The following HEATR4 variants were observed in gnomAD, a reference collection of about 807,000 sequenced individuals.
The protein encoded by HEATR4 is HEAT repeat-containing protein 4.
A neutral mutation model predicts 108.8 loss-of-function variants in HEATR4; 95 were observed. The observed-to-expected ratio is 0.87, with a 90% CI of 0.74 to 1.04. The LOEUF is 1.04. Among genes scored for constraint, HEATR4 ranks in the 50% least tolerant of loss-of-function variants. The probability of loss-of-function intolerance (pLI) is 0.00; values close to 1 mark genes in which losing one functional copy is unlikely to be tolerated. For synonymous variants in HEATR4, 443 were observed against 459.4 expected, an observed-to-expected ratio of 0.96 and a Z score of 0.46; for missense variants, 1,152 against 1,253.8, an observed-to-expected ratio of 0.92 and a Z score of 1.23.
At chr14:73,506,321 T>TTC in intron 10 of HEATR4, 146 bp downstream of exon 10, 1 of 617,134 alleles carries the variant, frequency 1.6e-6, no homozygotes, top group Admixed American at 2.7e-5. Context: ...TTGAAGATAA[T>TTC]TCTGGGCTAG....
intron 10 of HEATR4, among the ~76,000 whole-genome samples, chr14:73,505,745 C>T (rs1886768355): frequency 6.6e-6 from 1 of 151,894 alleles, no homozygotes; most frequent in Non-Finnish European, 1.5e-5. Flanking sequence ...AGCACAGACA[C>T]TCATTTAGAT....
At chr14:73,520,692 C>T (rs1887919158) in intron 4 of HEATR4, 160 bp downstream of exon 4, 1 of 649,604 alleles carries the variant, frequency 1.5e-6, no homozygotes, top group African/African-American at 1.8e-5. Flanking sequence ...CTCCCCGACC[C>T]AACTCCTGTG....
At chr14:73,491,287 C>G in intron 17 of HEATR4, 1 of 1,550,620 alleles carries the variant, frequency 6.4e-7, no homozygotes, top group Non-Finnish European at 8.7e-7. Flanking sequence ...CCGTCCCGGA[C>G]GCAGCCCGGC....
the HEATR4 span, among the ~76,000 whole-genome samples, chr14:73,598,731 T>TG: frequency 6.6e-6 from 1 of 151,108 alleles, no homozygotes; most frequent in African/African-American, 2.4e-5. Flanking sequence ...GGCCAGGCAT[T>TG]GTGGCTTACA....
At position 73,492,368 on chromosome 14, in the gene HEATR4, C is replaced by A; in HGVS notation, c.2844+698G>T. On this transcript the variant is annotated intron_variant, in intron 17 of 17. Coordinates refer to ENST00000553558, the MANE Select transcript of HEATR4 (RefSeq NM_001220484.1). The surrounding 1 kb of genome is among the most constrained non-coding windows in gnomAD (Gnocchi z 4.9). ...TGCAATGGAAGAAAATGTGGAGTTT[C>A]GGAGGGGTCTGCCCCGAGACTTCAT... The A allele has an allele frequency of 6.2e-7, 1 of 1,613,808 alleles. No individual in the cohort carries two copies. The highest frequency in any genetic ancestry group is 8.5e-7 in the Non-Finnish European group (1 of 1,179,774).
the HEATR4 span, among the ~76,000 whole-genome samples, chr14:73,617,396 C>T: frequency 6.6e-6 from 1 of 152,190 alleles, no homozygotes; most frequent in Admixed American, 6.5e-5. Context: ...CGGGGGATTG[C>T]TTGACCCCAG....
chr14:73,517,842 A>G (rs573546119), intron 5 of HEATR4, among the ~76,000 whole-genome samples: 2 of 152,224 alleles, frequency 1.3e-5, no homozygotes, highest in East Asian at 3.9e-4. Flanking sequence ...TAATCCCAGC[A>G]CTTTGGGAGG....
At chr14:73,537,020 G>T in intron 1 of HEATR4, 1 of 127,852 alleles carries the variant, frequency 7.8e-6, no homozygotes, top group Non-Finnish European at 1.5e-5. Context: ...CTTTCGCTCT[G>T]TCGCCCAGGC....
chr14:73,561,529 A>T (rs1595165632), upstream of HEATR4, among the ~76,000 whole-genome samples: 1 of 151,872 alleles, frequency 6.6e-6, no homozygotes, highest in East Asian at 1.9e-4. Context: ...TCTACTAAAA[A>T]TACAAAAATT....
chr14:73,498,701 G>A (rs1052403038), intron 13 of HEATR4, among the ~76,000 whole-genome samples: 2 of 152,200 alleles, frequency 1.3e-5, no homozygotes, highest in Non-Finnish European at 2.9e-5. Flanking sequence ...AGATTAAGGG[G>A]CAGGGTTTTA....
intron 17 of HEATR4, chr14:73,481,022 A>AAAAAG (rs1555387002): frequency 5.3e-5 from 8 of 152,060 alleles, no homozygotes; most frequent in East Asian, 1.9e-4. Flanking sequence ...TCTCAAAAAA[A>AAAAAG]AAAGAAAGAA....
chr14:73,583,360 AAAAAG>A, the HEATR4 span, among the ~76,000 whole-genome samples: 1 of 151,766 alleles, frequency 6.6e-6, no homozygotes, highest in Non-Finnish European at 1.5e-5. Context: ...AAAAAAAAAA[AAAAAG>A]AATGCAGTTT....
the HEATR4 span, among the ~76,000 whole-genome samples, chr14:73,570,145 G>A: frequency 6.7e-6 from 1 of 150,226 alleles, no homozygotes; most frequent in Non-Finnish European, 1.5e-5. Context: ...CTTTTCACAC[G>A]AAGAAGGGAT....
At chr14:73,567,631 G>A in the HEATR4 span, 2 of 152,078 alleles carry the variant, frequency 1.3e-5, no homozygotes, top group Non-Finnish European at 2.9e-5. Context: ...ACCTGCGTGA[G>A]TTCCGCTCCA....
At chr14:73,612,806 G>T in the HEATR4 span, 35 of 1,415,664 alleles carry the variant, frequency 2.5e-5, no homozygotes, top group Non-Finnish European at 3.2e-5. Flanking sequence ...CCAGCCCATG[G>T]GGCTGCTGTG....
the HEATR4 span, chr14:73,594,917 C>A: frequency 9.6e-7 from 1 of 1,036,596 alleles, no homozygotes; most frequent in Non-Finnish European, 1.4e-6. Flanking sequence ...GTTGGCCAGG[C>A]TGGTCTCAAA....
At chr14:73,606,992 T>C in the HEATR4 span, among the ~76,000 whole-genome samples, 1 of 152,152 alleles carries the variant, frequency 6.6e-6, no homozygotes, top group Non-Finnish European at 1.5e-5. Flanking sequence ...ATCTTGTGGT[T>C]ACAACGTCAA....
chr14:73,615,099 A>AC, the HEATR4 span, among the ~76,000 whole-genome samples: 1 of 149,556 alleles, frequency 6.7e-6, no homozygotes, highest in Non-Finnish European at 1.5e-5. Flanking sequence ...AAAAAAAAAA[A>AC]CAAGGCGGCC....
the HEATR4 span, among the ~76,000 whole-genome samples, chr14:73,601,211 C>G: frequency 6.6e-6 from 1 of 151,792 alleles, no homozygotes; most frequent in African/African-American, 2.4e-5. Context: ...GGTAAATGTA[C>G]CTGAAGCTTT....
Sources: allele counts gnomAD v4.1 joint callset (sites outside exome capture counted in the v4.1 genomes callset), GRCh38; gene constraint gnomAD v4.1.1; non-coding constraint Gnocchi (gnomAD v3.1); transcripts MANE v1.5; gene names NCBI Gene and HGNC (gene_info 2026-07-23, HGNC 2026-07-21).